The following ZMYM2 variants were observed in gnomAD, a reference collection of about 807,000 sequenced individuals.
The protein encoded by ZMYM2 is zinc finger MYM-type containing 2.
In ZMYM2, 56 loss-of-function variants were observed where a neutral mutation model predicts 162.8. The ratio of observed to expected loss-of-function variants is 0.34; its 90% CI spans 0.28 to 0.43. The LOEUF (loss-of-function observed/expected upper bound fraction) is 0.43, where lower values mean the gene tolerates loss of function less well. Among genes scored for constraint, ZMYM2 ranks in the 20% least tolerant of loss-of-function variants. The pLI, the probability that ZMYM2 is intolerant of heterozygous loss-of-function variation, is 1.00. For synonymous variants in ZMYM2, 510 were observed against 541.6 expected, an observed-to-expected ratio of 0.94 and a Z score of 0.81; for missense variants, 1,275 against 1,621.8, an observed-to-expected ratio of 0.79 and a Z score of 3.67.
chr13:19,907,882 T>A, the ZMYM2 span, among the ~76,000 whole-genome samples: 1 of 151,736 alleles, frequency 6.6e-6, no homozygotes, highest in Admixed American at 6.6e-5. Flanking sequence ...TTAGGTCTAA[T>A]AGGGCTGAGA....
chr13:19,982,647 G>A (rs1304656827), intron 2 of ZMYM2, among the ~76,000 whole-genome samples: 1 of 152,112 alleles, frequency 6.6e-6, no homozygotes, highest in Non-Finnish European at 1.5e-5. Context: ...ACTTTCAGTG[G>A]TTCCTGAACC....
At position 20,046,581 on chromosome 13, in the gene ZMYM2, A is replaced by ATATGTGTG. The variant is rs1270115549; in HGVS notation, c.2293-4851_2293-4850insATGTGTGT. Among the ~76,000 whole-genome samples, 183 of 117,502 alleles carry ATATGTGTG rather than the reference A, an allele frequency of 1.6e-3. 2 individuals are homozygous for ATATGTGTG. The East Asian group carries it at 0.026, about 17-fold the overall frequency. 77.1% of individuals were successfully genotyped at this position (117,502 alleles called of 152,430 possible). The stretch of plus-strand genomic sequence containing the variant: ...AAAAAAAAAATATATATATATATAT[A>ATATGTGTG]TGTGTGTGTGTGTGTGTGTGTGTGT... On this transcript the variant is annotated intron_variant, in intron 12 of 24. Transcript: ENST00000610343.
the ZMYM2 span, among the ~76,000 whole-genome samples, chr13:19,932,190 G>C: frequency 5.9e-5 from 9 of 152,084 alleles, no homozygotes; most frequent in African/African-American, 2.2e-4. Context: ...TCATCTCTCT[G>C]ATATCTTAGT....
chr13:20,049,199 A>T (rs1179554107), intron 12 of ZMYM2, among the ~76,000 whole-genome samples: 1 of 151,840 alleles, frequency 6.6e-6, no homozygotes, highest in African/African-American at 2.4e-5. Flanking sequence ...TGCTGAAAAA[A>T]TACATGCCTA....
chr13:19,982,992 G>A (rs1392726472), intron 2 of ZMYM2, among the ~76,000 whole-genome samples: 2 of 151,968 alleles, frequency 1.3e-5, no homozygotes, highest in East Asian at 1.9e-4. Flanking sequence ...TTTTATGGCC[G>A]TTCAGTTGAC....
At chr13:19,952,853 G>A in the ZMYM2 span, among the ~76,000 whole-genome samples, 1 of 152,130 alleles carries the variant, frequency 6.6e-6, no homozygotes, top group Non-Finnish European at 1.5e-5. Context: ...CACTACTATG[G>A]TTTGAATATT....
intron 10 of ZMYM2, among the ~76,000 whole-genome samples, chr13:20,032,496 T>C (rs192839868): frequency 6.6e-6 from 1 of 152,170 alleles, no homozygotes; most frequent in Non-Finnish European, 1.5e-5. Context: ...ATTAACACTG[T>C]TCTTGAGCCA....
Position 20,086,053 on chromosome 13 carries a change from T to C in ZMYM2, c.*39T>C. 3 of 1,568,498 alleles carry C rather than the reference T, an allele frequency of 1.9e-6. No individual in the cohort carries two copies. Among genetic ancestry groups the C allele is most frequent in the Non-Finnish European group, 2.6e-6 (3 of 1,146,064 alleles). ...AGAAGCAATCGGGATAAAACAGCAT[T>C]AGATAGTCATGCTGCTAGATCTTTA... On this transcript the variant is annotated 3_prime_UTR_variant, in exon 25 of 25. Transcript: ENST00000610343.
At chr13:20,080,646 C>T (rs1444605943) in intron 21 of ZMYM2, among the ~76,000 whole-genome samples, 2 of 152,068 alleles carry the variant, frequency 1.3e-5, no homozygotes, top group Admixed American at 6.6e-5. Context: ...CATGCCACCA[C>T]GCCTGGCTAA....
At chr13:20,036,189 T>C (rs982131877) in intron 11 of ZMYM2, among the ~76,000 whole-genome samples, 2 of 152,116 alleles carry the variant, frequency 1.3e-5, no homozygotes, top group African/African-American at 4.8e-5. Context: ...ACTTAATGCG[T>C]TTATGTAGTA....
At position 20,051,432 on chromosome 13, in the gene ZMYM2, G is replaced by C; in HGVS notation, c.2293-1G>C. ...TCTGAAACCTTCCTTTTTAAATTAA[G>C]GCTGCAAGGTGTGACTGTTGTAAAT... On this transcript the variant is annotated splice_acceptor_variant, in intron 12 of 24. Coordinates refer to ENST00000610343, the MANE Select transcript of ZMYM2 (RefSeq NM_197968.4). LOFTEE classifies it high-confidence loss of function. 1 of 1,607,956 alleles carries C rather than the reference G, an allele frequency of 6.2e-7. No homozygotes were observed. The highest frequency in any genetic ancestry group is 8.5e-7 in the Non-Finnish European group (1 of 1,178,108).
At chr13:19,976,429 C>T (rs1339803962) in intron 2 of ZMYM2, among the ~76,000 whole-genome samples, 2 of 151,374 alleles carry the variant, frequency 1.3e-5, no homozygotes, top group African/African-American at 2.4e-5. Context: ...AAAAAAACAA[C>T]ATAAAATTTA....
chr13:19,986,084 G>T (rs1297368968), intron 2 of ZMYM2, among the ~76,000 whole-genome samples: 2 of 151,958 alleles, frequency 1.3e-5, no homozygotes, highest in East Asian at 3.9e-4. Context: ...CGTTACTCAG[G>T]AGTCTGAGAC....
intron 6 of ZMYM2, among the ~76,000 whole-genome samples, chr13:20,008,427 G>A (rs193100558): frequency 2.6e-5 from 4 of 152,328 alleles, no homozygotes; most frequent in East Asian, 1.9e-4. Flanking sequence ...CATCATTCCC[G>A]CCCAATTGTT....
intron 4 of ZMYM2, among the ~76,000 whole-genome samples, chr13:20,004,738 G>T (rs1950621754): frequency 6.6e-6 from 1 of 152,048 alleles, no homozygotes; most frequent in Admixed American, 6.6e-5. Flanking sequence ...AATTGAACAG[G>T]TTATACCTCA....
At chr13:20,055,435 T>A (rs1367832043) in intron 14 of ZMYM2, among the ~76,000 whole-genome samples, 1 of 152,188 alleles carries the variant, frequency 6.6e-6, no homozygotes, top group African/African-American at 2.4e-5. Context: ...TTTCTTAGTC[T>A]AATTAGTGTC....
chr13:20,084,849 A>T (rs991781818), intron 24 of ZMYM2, among the ~76,000 whole-genome samples: 7 of 152,222 alleles, frequency 4.6e-5, no homozygotes, highest in African/African-American at 1.7e-4. Context: ...GGTCCCCAGG[A>T]TGGCCCTCAA....
At chr13:19,912,292 G>GTTTTTTTTTTTTTTTTTTTTTTTTTTTT in the ZMYM2 span, among the ~76,000 whole-genome samples, 6 of 75,698 alleles carry the variant, frequency 7.9e-5, no homozygotes, top group African/African-American at 1.0e-4. Context: ...TGTTTTTTGG[G>GTTTTTTTTTTTTTTTTTTTTTTTTTTTT]TTTTTTTTTT....
chr13:20,066,811 G>C (rs1404731292), intron 19 of ZMYM2, 40 bp from the exon 20 acceptor site: 1 of 1,479,542 alleles, frequency 6.8e-7, no homozygotes, highest in South Asian at 1.4e-5. Flanking sequence ...AATAATGTAG[G>C]CTTTAAAAAA....
Sources: allele counts gnomAD v4.1 joint callset (sites outside exome capture counted in the v4.1 genomes callset), GRCh38; gene constraint gnomAD v4.1.1; transcripts MANE v1.5; gene names NCBI Gene and HGNC (gene_info 2026-07-23, HGNC 2026-07-21).